CDH11: variants seen among roughly 807,000 people sequenced by gnomAD.
The protein encoded by CDH11 is cadherin 11, also known as cadherin-11.
In CDH11, 11 loss-of-function variants were observed where a neutral mutation model predicts 67.8. The ratio of observed to expected loss-of-function variants is 0.16; its 90% CI spans 0.10 to 0.27. The LOEUF (loss-of-function observed/expected upper bound fraction) is 0.27. Ranked by LOEUF, CDH11 falls within the 10% of genes least tolerant of loss-of-function variation. The pLI is 1.00. For synonymous variants in CDH11, 419 were observed against 400.0 expected (o/e 1.05, Z -0.57); for missense variants, 847 against 1,031.2 (o/e 0.82, Z 2.45).
intron 1 of CDH11, among the ~76,000 whole-genome samples, chr16:65,112,187 A>G (rs969238480): frequency 3.3e-5 from 5 of 152,306 alleles, no homozygotes; most frequent in Middle Eastern, 3.4e-3. Flanking sequence ...TGGCTCAACT[A>G]AAGGAAGCAT....
intron 1 of CDH11, among the ~76,000 whole-genome samples, chr16:65,105,041 T>C (rs1018275089): frequency 5.9e-5 from 9 of 152,136 alleles, no homozygotes; most frequent in Non-Finnish European, 1.2e-4. Context: ...GTAAAATAAA[T>C]AAATATCTGA....
At position 64,964,019 on chromosome 16, in the gene CDH11, G is replaced by A. The variant is rs1003786890; in HGVS notation, c.1642+7560C>T. 3.3e-5 allele frequency among the ~76,000 whole-genome samples: 5 copies of A among 152,328 alleles called. No homozygotes were observed. In the East Asian group the frequency reaches 5.8e-4, roughly 18 times the overall value. On this transcript the variant is annotated intron_variant, in intron 11 of 12. Coordinates refer to ENST00000268603, the MANE Select transcript of CDH11 (RefSeq NM_001797.4). ...GGATATACAGAGAGAAAAGAAGAGC[G>A]TGGAAGAAGGAATAAGTGATGAAGA...
Position 64,997,357 on chromosome 16 carries a change from C to A in CDH11, c.523+1205G>T, listed in dbSNP as rs557901117. Among the ~76,000 whole-genome samples the A allele has an allele frequency of 4.7e-3, 692 of 145,900 alleles. 2 individuals are homozygous for A. The highest frequency in any genetic ancestry group is 0.016 in the African/African-American group (656 of 39,920). On this transcript the variant is annotated intron_variant, in intron 4 of 12. Coordinates refer to ENST00000268603, the MANE Select transcript of CDH11 (RefSeq NM_001797.4). ...TAAATAAACAAACCTGCACATGTAC[C>A]CCCTGAATCTAAAATAAAAGTTGAA...
chr16:65,044,578 CA>C (rs943188300), intron 2 of CDH11, among the ~76,000 whole-genome samples: 2 of 152,090 alleles, frequency 1.3e-5, no homozygotes, highest in African/African-American at 4.8e-5. Context: ...AACTATCTCA[CA>C]GGGTCTAGGA....
chr16:64,998,288 A>G (rs192964907), intron 4 of CDH11, among the ~76,000 whole-genome samples: 338 of 152,380 alleles, frequency 2.2e-3, no homozygotes, highest in Non-Finnish European at 3.5e-3. Flanking sequence ...ATTAATTAGC[A>G]CAATGTCTAC....
At chr16:64,965,410 G>A (rs2071791058) in intron 11 of CDH11, among the ~76,000 whole-genome samples, 1 of 151,798 alleles carries the variant, frequency 6.6e-6, no homozygotes, top group Non-Finnish European at 1.5e-5. Flanking sequence ...TAAAAACTAA[G>A]ATGTAAACCC....
rs559882923 is a variant in CDH11 at position 64,964,397 on chromosome 16, A to G, written c.1642+7182T>C. Among the ~76,000 whole-genome samples the G allele has an allele frequency of 3.3e-5, 5 of 152,312 alleles. No individual in the cohort carries two copies. The East Asian group carries it at 9.7e-4, about 29-fold the overall frequency. On this transcript the variant is annotated intron_variant, in intron 11 of 12. Transcript: ENST00000268603. ...GAAACATAGAAAAAGTACAGTAAAAATATGGCATAAAAGATAAAAAATGTT... is the reference window on the plus strand; with the variant it reads ...GAAACATAGAAAAAGTACAGTAAAAGTATGGCATAAAAGATAAAAAATGTT...
intron 11 of CDH11, among the ~76,000 whole-genome samples, chr16:64,961,740 T>C: frequency 6.6e-6 from 1 of 152,106 alleles, no homozygotes; most frequent in East Asian, 1.9e-4. Flanking sequence ...AAATTAAAAT[T>C]ATGAAGTTAA....
At chr16:64,961,064 C>G (rs1025609768) in intron 11 of CDH11, among the ~76,000 whole-genome samples, 1 of 151,994 alleles carries the variant, frequency 6.6e-6, no homozygotes, top group African/African-American at 2.4e-5. Context: ...ACTGTGAAAG[C>G]CTTCTTTTAG....
chr16:65,110,468 C>T (rs141715719), intron 1 of CDH11, among the ~76,000 whole-genome samples: 1 of 152,246 alleles, frequency 6.6e-6, no homozygotes, highest in Admixed American at 6.5e-5. Context: ...AAGCCCAGGC[C>T]AGACTCTGCC....
At chr16:64,963,088 A>G (rs367928297) in intron 11 of CDH11, among the ~76,000 whole-genome samples, 86 of 152,354 alleles carry the variant, frequency 5.6e-4, no homozygotes, top group African/African-American at 1.9e-3. Context: ...AAATCCTACA[A>G]TTTGAAGAGA....
intron 8 of CDH11, among the ~76,000 whole-genome samples, chr16:64,974,998 C>T (rs1210992708): frequency 6.6e-6 from 1 of 151,898 alleles, no homozygotes; most frequent in Non-Finnish European, 1.5e-5. Context: ...TATTTTTTTT[C>T]CCAAACAGAA....
intron 1 of CDH11, among the ~76,000 whole-genome samples, chr16:65,109,402 G>A (rs1037943934): frequency 4.6e-5 from 7 of 152,184 alleles, no homozygotes; most frequent in African/African-American, 1.7e-4. Flanking sequence ...GGGATGGTAT[G>A]AGACTAACTC....
At chr16:64,992,379 G>A (rs1313976945) in intron 5 of CDH11, among the ~76,000 whole-genome samples, 3 of 152,188 alleles carry the variant, frequency 2.0e-5, no homozygotes, top group African/African-American at 4.8e-5. Context: ...ATACATTAAA[G>A]TGTAAATATT....
chr16:65,057,260 C>G (rs181551164), intron 1 of CDH11, among the ~76,000 whole-genome samples: 1 of 152,290 alleles, frequency 6.6e-6, no homozygotes, highest in East Asian at 1.9e-4. Context: ...AGCCAGGAAA[C>G]CACACTCCAG....
Position 64,998,788 on chromosome 16 carries a change from G to C in CDH11, c.297C>G (p.Thr99=). 2 of 1,614,066 alleles carry C rather than the reference G, an allele frequency of 1.2e-6. No homozygotes were observed. The highest frequency in any genetic ancestry group is 1.7e-6 in the Non-Finnish European group (2 of 1,179,972). The change falls in exon 4 of 13, where the codon ACC becomes ACG. Residue 99 remains threonine, a synonymous_variant. Transcript: ENST00000268603. ...KYILSGEGAG[T]IFVIDDKSGN... ...CTGATTTGTCATCAATCACAAAAAT[G>C]GTTCCAGCTCCTTCCCCTGAGAGAA...
At chr16:65,028,270 T>G (rs1315273340) in intron 2 of CDH11, among the ~76,000 whole-genome samples, 1 of 152,140 alleles carries the variant, frequency 6.6e-6, no homozygotes, top group Non-Finnish European at 1.5e-5. Flanking sequence ...CAGCAGGTTT[T>G]TCTTCCTGGT....
chr16:65,022,049 C>T (rs1371111014), intron 2 of CDH11, among the ~76,000 whole-genome samples: 1 of 152,068 alleles, frequency 6.6e-6, no homozygotes, highest in Non-Finnish European at 1.5e-5. Context: ...AACTTTTACT[C>T]ACTAAGCTAC....
At chr16:64,960,440 G>C (rs1470426380) in intron 11 of CDH11, among the ~76,000 whole-genome samples, 1 of 152,118 alleles carries the variant, frequency 6.6e-6, no homozygotes, top group Non-Finnish European at 1.5e-5. Flanking sequence ...ATTCTAGTGG[G>C]AGACAAGGAA....
Sources: allele counts gnomAD v4.1 joint callset (sites outside exome capture counted in the v4.1 genomes callset), GRCh38; gene constraint gnomAD v4.1.1; transcripts MANE v1.5; gene names NCBI Gene and HGNC (gene_info 2026-07-23, HGNC 2026-07-21).